The following ZNF875 variants were observed in gnomAD, a reference collection of about 807,000 sequenced individuals.
ZNF875 encodes the protein zinc finger protein 875, also known as HKR1, GLI-Kruppel zinc finger family member.
ZNF875 carries 14 observed loss-of-function variants against 11.2 expected under a neutral mutation model. The observed-to-expected ratio is 1.26, with a 90% confidence interval of 0.83 to 1.96. The LOEUF (loss-of-function observed/expected upper bound fraction) is 1.96. Ranked by LOEUF, ZNF875 falls within the 30% of genes most tolerant of loss-of-function variation. The pLI is 0.00. For synonymous variants in ZNF875, 301 were observed against 281.1 expected (o/e 1.07, Z -0.71); for missense variants, 752 against 760.4 (o/e 0.99, Z 0.13).
At chr19:37,314,436 A>G (rs182401164), upstream of ZNF875, among the ~76,000 whole-genome samples, 92 of 130,972 alleles carry the variant, frequency 7.0e-4, no homozygotes, top group Admixed American at 1.9e-3. Flanking sequence ...TAAAAAGAGT[A>G]AAATACTTTG....
At chr19:37,324,515 T>C (rs1423229765) in intron 4 of ZNF875, among the ~76,000 whole-genome samples, 1 of 152,182 alleles carries the variant, frequency 6.6e-6, no homozygotes, top group Non-Finnish European at 1.5e-5. Context: ...GTTAAAGTCT[T>C]ATAGGCTTCT....
At position 37,343,386 on chromosome 19, in the gene ZNF875, C is replaced by A. The variant is rs11668703; in HGVS notation, c.34-3804C>A. On this transcript the variant is annotated intron_variant, in intron 2 of 4. Coordinates refer to ENST00000392153, the MANE Select transcript of ZNF875 (RefSeq NM_001353803.2). Reference sequence around the variant, plus strand: ...AAATAAAACCAAAAAAAAAAAAAAACCAAACAAACTTAGCAGCTTAAAATG... The same window carrying A: ...AAATAAAACCAAAAAAAAAAAAAAAACAAACAAACTTAGCAGCTTAAAATG... Among the ~76,000 whole-genome samples, 1,107 of 140,016 alleles carry A rather than the reference C, an allele frequency of 7.9e-3. 8 individuals carry two copies. The highest frequency in any genetic ancestry group is 0.026 in the South Asian group (117 of 4,474). The allele number at this position is 140,016 out of a possible 152,430, so 91.9% of individuals were successfully genotyped here.
At chr19:37,359,468 A>AT (rs958824532) in intron 4 of ZNF875, 19 of 292,150 alleles carry the variant, frequency 6.5e-5, no homozygotes, top group Non-Finnish European at 1.1e-4. Flanking sequence ...CAGTGGTGTT[A>AT]TATCGGCTCA....
Position 37,363,133 on chromosome 19 carries a change from T to C in ZNF875, c.1281T>C (p.Cys427=). 6.2e-7 allele frequency: 1 copy of C among 1,613,844 alleles called. No individual in the cohort carries two copies. Among genetic ancestry groups the C allele is most frequent in the Non-Finnish European group, 8.5e-7 (1 of 1,179,964 alleles). The change falls in exon 5 of 5, where the codon TGT becomes TGC. Residue 427 remains cysteine, a synonymous_variant. Coordinates refer to ENST00000392153, the MANE Select transcript of ZNF875 (RefSeq NM_001353803.2). ...AGAAGCCTTATGTATGCACAGAATGTGGGCGTCACTTTAGCTGGAAATCAA... is the reference window on the plus strand; with the variant it reads ...AGAAGCCTTATGTATGCACAGAATGCGGGCGTCACTTTAGCTGGAAATCAA... ...TGEKPYVCTE[C]GRHFSWKSNL... is the part of the protein sequence containing the mutation.
intron 2 of ZNF875, among the ~76,000 whole-genome samples, chr19:37,343,683 C>T (rs892682774): frequency 6.6e-6 from 1 of 152,084 alleles, no homozygotes; most frequent in Non-Finnish European, 1.5e-5. Context: ...ACTCAGATGC[C>T]TCTCAAACAT....
intron 3 of ZNF875, 40 bp downstream of exon 3, chr19:37,347,356 A>G (rs1229704404): frequency 3.8e-6 from 6 of 1,583,606 alleles, no homozygotes; most frequent in South Asian, 1.1e-5. Context: ...TCTGCCCTAC[A>G]GAGTATTTTC....
At chr19:37,334,613 C>T (rs2033891066), upstream of ZNF875, 3 of 451,120 alleles carry the variant, frequency 6.7e-6, no homozygotes, top group East Asian at 7.0e-5. Context: ...CCGCTCCCCT[C>T]CCTACCCTTC....
chr19:37,317,665 A>C (rs1469384813), upstream of ZNF875, among the ~76,000 whole-genome samples: 1 of 152,212 alleles, frequency 6.6e-6, no homozygotes, highest in Non-Finnish European at 1.5e-5. Flanking sequence ...CAGCGCTGAA[A>C]TGCGCAAGAA....
intron 2 of ZNF875, among the ~76,000 whole-genome samples, chr19:37,345,455 T>G (rs2036586028): frequency 6.6e-6 from 1 of 152,080 alleles, no homozygotes; most frequent in African/African-American, 2.4e-5. Flanking sequence ...CAGTGTGGAA[T>G]TAGTTTTAGA....
chr19:37,327,703 G>A (rs2032716259), intron 4 of ZNF875, among the ~76,000 whole-genome samples: 1 of 147,498 alleles, frequency 6.8e-6, no homozygotes, highest in Non-Finnish European at 1.5e-5. Flanking sequence ...GGCAGAGGTT[G>A]CAGTGAGCCG....
At chr19:37,331,382 C>T (rs557923217), upstream of ZNF875, among the ~76,000 whole-genome samples, 6 of 152,034 alleles carry the variant, frequency 3.9e-5, no homozygotes, top group South Asian at 8.3e-4. Context: ...GCAGTGGCCA[C>T]CACGCCCATG....
chr19:37,339,549 T>G lies in ZNF875; in HGVS notation c.33+4292T>G, dbSNP rs561042117. ...TGGAGATTTGAACCCTGCCAGTTTT[T>G]TTTTTTTTTTTTTTTGAGACAGAGT... On this transcript the variant is annotated intron_variant, in intron 2 of 4. Transcript: ENST00000392153. Among the ~76,000 whole-genome samples, 3 of 144,690 alleles carry G rather than the reference T, an allele frequency of 2.1e-5. No homozygotes were observed. The East Asian group carries it at 6.8e-4, about 33-fold the overall frequency. 94.9% of individuals were successfully genotyped at this position (144,690 alleles called of 152,430 possible). A position where few individuals can be genotyped will look rare whatever the true frequency, so the allele number is the denominator to read the frequency against.
At chr19:37,350,992 C>T (rs936047084) in intron 4 of ZNF875, among the ~76,000 whole-genome samples, 3 of 151,616 alleles carry the variant, frequency 2.0e-5, no homozygotes, top group South Asian at 2.1e-4. Flanking sequence ...TTAGTAGAGA[C>T]GGGGTTTCAC....
chr19:37,335,523 A>T (rs1296267837), intron 2 of ZNF875, among the ~76,000 whole-genome samples: 2 of 152,226 alleles, frequency 1.3e-5, no homozygotes, highest in Non-Finnish European at 2.9e-5. Context: ...ATTTGGAAGA[A>T]GGGGTCGGGG....
Position 37,363,522 on chromosome 19 carries a change from C to T in ZNF875, c.1670C>T (p.Ser557Leu), listed in dbSNP as rs375688770. Residue 557 changes from serine to leucine, a missense_variant, in exon 5 of 5, where the codon TCA becomes TTA. Transcript: ENST00000392153. ...CTGTTTAGGCACAAGAGGGCACACT[C>T]AGGTGCCTTTGTGTGCAGGGAGTGT... ...PNLFRHKRAH[S>L]GAFVCRECGQ... The T allele has an allele frequency of 9.3e-6, 15 of 1,612,770 alleles. No individual in the cohort carries two copies. Among genetic ancestry groups the T allele is most frequent in the African/African-American group, 1.3e-5 (1 of 74,788 alleles).
chr19:37,359,656 C>T, intron 4 of ZNF875: 1 of 205,628 alleles, frequency 4.9e-6, no homozygotes, highest in Non-Finnish European at 1.0e-5. Context: ...CCCGCCTCAG[C>T]CTCCCAAAGT....
At chr19:37,320,096 C>T (rs759719712) in intron 1 of ZNF875, among the ~76,000 whole-genome samples, 3 of 152,038 alleles carry the variant, frequency 2.0e-5, no homozygotes, top group Non-Finnish European at 4.4e-5. Flanking sequence ...ACCGTGGTCT[C>T]GATCTCCTGA....
intron 4 of ZNF875, among the ~76,000 whole-genome samples, chr19:37,360,642 C>A (rs1428292809): frequency 6.6e-6 from 1 of 152,018 alleles, no homozygotes; most frequent in Non-Finnish European, 1.5e-5. Context: ...AATCTTTCTT[C>A]TTTTCCTCCT....
chr19:37,329,573 G>T (rs922891471), intron 4 of ZNF875, among the ~76,000 whole-genome samples: 4 of 152,184 alleles, frequency 2.6e-5, no homozygotes, highest in Non-Finnish European at 5.9e-5. Context: ...CTGCATGTGT[G>T]GGTGAACTCT....
Sources: gnomAD v4.1 joint callset for allele counts (sites outside exome capture counted in the v4.1 genomes callset) on GRCh38, gnomAD v4.1.1 for gene constraint, MANE v1.5 for transcripts, NCBI Gene and HGNC (gene_info 2026-07-23, HGNC 2026-07-21) for gene names.